Variants in LRP2 observed in about 807,000 individuals in gnomAD.
LRP2 encodes the protein low-density lipoprotein receptor-related protein 2.
In LRP2, 172 loss-of-function variants were observed where a neutral mutation model predicts 531.0. The observed-to-expected ratio is 0.32, with a 90% CI of 0.29 to 0.37. The LOEUF (loss-of-function observed/expected upper bound fraction) is 0.37. Ranked by LOEUF, LRP2 falls within the 10% of genes least tolerant of loss-of-function variation. The probability of loss-of-function intolerance (pLI) is 1.00; values close to 1 mark genes in which losing one functional copy is unlikely to be tolerated. For synonymous variants in LRP2, 1,992 were observed against 2,027.6 expected (o/e 0.98, Z 0.47); for missense variants, 5,167 against 5,868.3 (o/e 0.88, Z 3.90).
At position 169,292,314 on chromosome 2, in the gene LRP2, A is replaced by T; in HGVS notation, c.708T>A (p.Tyr236Ter). 1 of 1,614,200 alleles carries T rather than the reference A, an allele frequency of 6.2e-7. No homozygotes were observed. Among genetic ancestry groups the T allele is most frequent in the Non-Finnish European group, 8.5e-7 (1 of 1,180,016 alleles). The change falls in exon 7 of 79, where the codon TAT becomes TAA. Residue 236 changes from tyrosine to a stop codon, truncating the protein, a stop_gained. Transcript: ENST00000649046. LOFTEE classifies it high-confidence loss of function. ...CTTCTCCATCACAAACCCAGTTTTG[A>T]TAAATGCATCGGCCACTGGGGCAAG... is the stretch of plus-strand genomic sequence containing the variant. ...QFTCPSGRCI[Y>*]QNWVCDGEDD...
At chr2:169,168,141 G>T (rs1574090154) in intron 61 of LRP2, among the ~76,000 whole-genome samples, 1 of 149,400 alleles carries the variant, frequency 6.7e-6, no homozygotes, top group Non-Finnish European at 1.5e-5. Flanking sequence ...TTTTCTAAAG[G>T]TGCTCCAGGA....
At chr2:169,259,255 T>C (rs1371340498) in intron 16 of LRP2, 38 bp from the exon 17 acceptor site, 2 of 1,548,318 alleles carry the variant, frequency 1.3e-6, no homozygotes, top group Admixed American at 1.7e-5. Context: ...AAGCTAAGTA[T>C]ATTTTGTAAG....
rs1416431683 is a variant in LRP2 at position 169,239,701 on chromosome 2, G to A, written c.4120C>T (p.Leu1374=). The change falls in exon 26 of 79, where the codon CTA becomes TTA. Residue 1374 remains leucine (L), a synonymous_variant. Coordinates refer to ENST00000649046, the MANE Select transcript of LRP2 (RefSeq NM_004525.3). ...GCAAGTAAGAATCCCAATGGACATA[G>A]GCATTTAGCCCCAAAGGGCTCTTGA... ...CVQEPFGAKC[L]CPLGFLLAND... is the part of the protein sequence containing the mutation. The A allele has an allele frequency of 5.0e-6, 8 of 1,613,886 alleles. No homozygotes were observed. The Admixed American group carries it at 8.3e-5, about 17-fold the overall frequency.
intron 17 of LRP2, 22 bp downstream of exon 17, chr2:169,259,003 A>G: frequency 6.2e-7 from 1 of 1,610,236 alleles, no homozygotes; most frequent in South Asian, 1.1e-5. Flanking sequence ...TCAAGCTCTT[A>G]GGAAAACATG....
chr2:169,161,445 G>C (rs1686583751), intron 63 of LRP2, among the ~76,000 whole-genome samples: 1 of 152,042 alleles, frequency 6.6e-6, no homozygotes, highest in Non-Finnish European at 1.5e-5. Flanking sequence ...TACACAAAGT[G>C]CTCCCTCTAC....
rs370823033 is a variant in LRP2, at chr2:169,294,717, TAAAAAAAAAAAAA to T, written c.428-20_428-8del. On this transcript the variant is annotated splice_polypyrimidine_tract_variant and splice_region_variant and intron_variant, in intron 4 of 78. Transcript: ENST00000649046. ...TGCTCACATGTTGGGTACTCTATTGTAAAAAAAAAAAAAAAAAAAAAAAGGAAAAGGAAACAGT... is the reference window on the plus strand; with the variant it reads ...TGCTCACATGTTGGGTACTCTATTGTAAAAAAAAAAGGAAAAGGAAACAGT... The T allele has an allele frequency of 5.4e-6, 4 of 742,560 alleles. No homozygotes were observed. The highest frequency in any genetic ancestry group is 1.7e-5 in the South Asian group (1 of 57,740). The allele number at this position is 742,560 out of a possible 1,614,324, so 46.0% of individuals were successfully genotyped here.
chr2:169,266,081 G>T (rs1434237395), intron 16 of LRP2, among the ~76,000 whole-genome samples: 1 of 151,878 alleles, frequency 6.6e-6, no homozygotes. Flanking sequence ...ATACTAATTG[G>T]CTGAGCAGTG....
At chr2:169,280,658 GCAGA>G (rs1434111631) in intron 10 of LRP2, 139 bp from the exon 11 acceptor site, 2 of 872,378 alleles carry the variant, frequency 2.3e-6, no homozygotes, top group Admixed American at 4.1e-5. Context: ...AACCTCTGAG[GCAGA>G]CAGATAGCTA....
Position 169,173,953 on chromosome 2 carries a change from A to G in LRP2, c.10980T>C (p.Cys3660=). 2 of 1,614,210 alleles carry G rather than the reference A, an allele frequency of 1.2e-6. No individual in the cohort carries two copies. The highest frequency in any genetic ancestry group is 1.7e-6 in the Non-Finnish European group (2 of 1,180,030). Residue 3660 remains cysteine, a synonymous_variant, in exon 56 of 79, where the codon TGT becomes TGC. Coordinates refer to ENST00000649046, the MANE Select transcript of LRP2 (RefSeq NM_004525.3). ...CAATGGGCTCATCCGAGTGGTCTCCACAATCATTATCCACATCACACTTCC... is the reference window on the plus strand; with the variant it reads ...CAATGGGCTCATCCGAGTGGTCTCCGCAATCATTATCCACATCACACTTCC... ...QAWKCDVDND[C]GDHSDEPIEE... is the part of the protein sequence containing the mutation.
intron 28 of LRP2, 141 bp from the exon 29 acceptor site, chr2:169,236,209 T>C: frequency 1.4e-6 from 1 of 732,560 alleles, no homozygotes; most frequent in Non-Finnish European, 2.3e-6. Flanking sequence ...ACAGAGTTTA[T>C]TGTTTCCTCT....
Position 169,139,140 on chromosome 2 carries a change from G to A in LRP2, c.13388+111C>T, listed in dbSNP as rs1045145715. On this transcript the variant is annotated intron_variant, in intron 74 of 78. Coordinates refer to ENST00000649046, the MANE Select transcript of LRP2 (RefSeq NM_004525.3). ...ACTACTTTTTGTTTCTGTGGAATCG[G>A]TGAACTGCGTATTGTGCTTTTTTAA... The A allele has an allele frequency of 1.5e-5, 22 of 1,503,812 alleles. 1 individual carries two copies. The Middle Eastern group carries it at 6.8e-4, about 47-fold the overall frequency. The allele number at this position is 1,503,812 out of a possible 1,614,324, so 93.2% of individuals were successfully genotyped here. A position where few individuals can be genotyped will look rare whatever the true frequency, so the allele number is the denominator to read the frequency against.
intron 66 of LRP2, among the ~76,000 whole-genome samples, chr2:169,154,062 T>A (rs11886411): frequency 0.014 from 2,117 of 152,300 alleles, 46 homozygotes; most frequent in African/African-American, 0.047. Context: ...TGAGCAATCA[T>A]AGAACTCTGC....
chr2:169,303,927 A>T (rs1365179997), intron 4 of LRP2, among the ~76,000 whole-genome samples: 1 of 152,198 alleles, frequency 6.6e-6, no homozygotes, highest in Non-Finnish European at 1.5e-5. Flanking sequence ...AATAAAAAAA[A>T]ACTTGATTAA....
Position 169,362,446 on chromosome 2 carries a change from C to A in LRP2, c.-47G>T. 6.7e-7 allele frequency: 1 copy of A among 1,486,596 alleles called. No homozygotes were observed. 92.1% of individuals were successfully genotyped at this position (1,486,596 alleles called of 1,614,324 possible). On this transcript the variant is annotated 5_prime_UTR_variant, in exon 1 of 79. Coordinates refer to ENST00000649046, the MANE Select transcript of LRP2 (RefSeq NM_004525.3). ...CGCCGTTCCTTCCCCGGGAGGTGGG[C>A]GCGCGTAGCACACCGCACCGGCAGC...
intron 1 of LRP2, among the ~76,000 whole-genome samples, chr2:169,334,733 T>G (rs182183228): frequency 2.0e-4 from 31 of 152,314 alleles, no homozygotes; most frequent in Middle Eastern, 3.4e-3. Context: ...AAATATTTGT[T>G]ACTGAACTGG....
At position 169,214,146 on chromosome 2, in the gene LRP2, C is replaced by T. The variant is rs17848164; in HGVS notation, c.5827-276G>A. On this transcript the variant is annotated intron_variant, in intron 35 of 78. Coordinates refer to ENST00000649046, the MANE Select transcript of LRP2 (RefSeq NM_004525.3). The stretch of plus-strand genomic sequence containing the variant: ...GCACGGTGAAGAAAAGGGAGCTAAA[C>T]CACTAGTCCCTGCATGTGATATTCT... Among the ~76,000 whole-genome samples the T allele has an allele frequency of 0.39, 59,784 of 151,816 alleles. 12,275 individuals carry two copies. Among genetic ancestry groups the T allele is most frequent in the South Asian group, 0.72 (3,475 of 4,804 alleles).
intron 5 of LRP2, 96 bp downstream of exon 5, chr2:169,294,504 G>T: frequency 3.2e-6 from 3 of 934,124 alleles, no homozygotes; most frequent in East Asian, 2.5e-5. Flanking sequence ...TGAATTCACT[G>T]AACCTGAACT....
Position 169,237,275 on chromosome 2 carries a change from T to C in LRP2, c.4519A>G (p.Ser1507Gly). 1 of 1,612,482 alleles carries C rather than the reference T, an allele frequency of 6.2e-7. No homozygotes were observed. The highest frequency in any genetic ancestry group is 8.5e-7 in the Non-Finnish European group (1 of 1,178,680). ...GTDRRVVFDSSIILTETIAID... is the reference protein window; with the variant it reads ...GTDRRVVFDSGIILTETIAID... ...GCAATAGTTTCAGTCAAGATGATGC[T>C]ACTGTCAAATACCTAAAGACAAAAG... Residue 1507 changes from serine (S) to glycine (G), a missense_variant, in exon 28 of 79, where the codon AGC becomes GGC. Physicochemically the swap from Ser to Gly is moderately conservative, Grantham distance 56. This residue lies in a region of LRP2 where 2,811 missense variants were observed against 3,058.0 expected (regional missense o/e 0.92). Coordinates refer to ENST00000649046, the MANE Select transcript of LRP2 (RefSeq NM_004525.3).
chr2:169,264,224 C>A (rs1000410799), intron 16 of LRP2, among the ~76,000 whole-genome samples: 1 of 151,354 alleles, frequency 6.6e-6, no homozygotes, highest in Admixed American at 6.6e-5. Flanking sequence ...TACACATGTA[C>A]CCTAAAACTT....
Sources: allele counts gnomAD v4.1 joint callset (sites outside exome capture counted in the v4.1 genomes callset), GRCh38; gene constraint gnomAD v4.1.1; regional missense constraint gnomAD v4.1.1; transcripts MANE v1.5; gene names NCBI Gene and HGNC (gene_info 2026-07-23, HGNC 2026-07-21).